ZNF496: variants seen among roughly 807,000 people sequenced by gnomAD.
The protein encoded by ZNF496 is zinc finger protein 496, also known as NSD1 (nuclear receptor binding SET-domain containing 1)-interacting zinc finger protein 1.
A neutral mutation model predicts 58.9 loss-of-function variants in ZNF496; 11 were observed. The observed-to-expected ratio is 0.19, with a 90% CI of 0.12 to 0.31. ZNF496 has a LOEUF of 0.31. ZNF496 is among the 10% of genes least tolerant of loss of function. The pLI is 1.00. For missense variants in ZNF496, 660 were observed against 783.0 expected (o/e 0.84, Z 1.88); for synonymous variants, 338 against 318.2 (o/e 1.06, Z -0.66).
Position 247,300,816 on chromosome 1 carries a change from G to T in ZNF496, c.1467C>A (p.Asp489Glu). 2 of 1,606,594 alleles carry T rather than the reference G, an allele frequency of 1.2e-6. No individual in the cohort carries two copies. Among genetic ancestry groups the T allele is most frequent in the Non-Finnish European group, 1.7e-6 (2 of 1,175,234 alleles). ...LSHRRIHLQP[D>E]RLQPVEKREQ... is the part of the protein sequence containing the mutation. ...CTCTCTTCTCCACCGGCTGGAGTCT[G>T]TCCGGCTGCAGGTGTATCCGCCGGT... Residue 489 changes from aspartate (D) to glutamate (E), a missense_variant, in exon 10 of 10, where the codon GAC (aspartate) becomes GAA (glutamate). Physicochemically the swap from Asp to Glu is conservative, Grantham distance 45. Transcript: ENST00000682384. This position sits in a 1 kb window ranked among gnomAD's most constrained non-coding sequence, Gnocchi z 5.7.
chr1:247,305,247 C>A (rs910391446), intron 9 of ZNF496, among the ~76,000 whole-genome samples: 11 of 152,134 alleles, frequency 7.2e-5, no homozygotes, highest in African/African-American at 2.7e-4. Flanking sequence ...TGTTCTCTAA[C>A]CTGGGTGACA....
chr1:247,331,146 C>A (rs1295696745), intron 2 of ZNF496, among the ~76,000 whole-genome samples: 1 of 152,228 alleles, frequency 6.6e-6, no homozygotes, highest in East Asian at 1.9e-4. Context: ...GGCTGCCACT[C>A]GGATCGTCTC....
In ZNF496 at chr1:247,329,524, T is replaced by C. The variant is rs1660249580; in HGVS notation, c.55A>G (p.Arg19Gly). ...VLAPKESEEP[R>G]KMRSPPGENP... The stretch of plus-strand genomic sequence containing the variant: ...TCTCCAGGTGGGCTCCTCATTTTCC[T>C]GGGCTCCTCACTTTCCTTCGGAGCC... The change falls in exon 4 of 10, where the codon AGG (arginine) becomes GGG (glycine). Residue 19 changes from arginine (R) to glycine (G), a missense_variant. Transcript: ENST00000682384. The surrounding 1 kb of genome is among the most constrained non-coding windows in gnomAD (Gnocchi z 5.5). The C allele has an allele frequency of 6.3e-7, 1 of 1,580,748 alleles. No individual in the cohort carries two copies. The highest frequency in any genetic ancestry group is 8.6e-7 in the Non-Finnish European group (1 of 1,168,600).
At position 247,299,682 on chromosome 1, in the gene ZNF496, T is replaced by G. The variant is rs752788601; in HGVS notation, c.*837A>C. 6.6e-6 allele frequency: 1 copy of G among 152,236 alleles called. No individual in the cohort carries two copies. The highest frequency in any genetic ancestry group is 1.5e-5 in the Non-Finnish European group (1 of 68,052). 9.4% of individuals were successfully genotyped at this position (152,236 alleles called of 1,614,324 possible). ...AGGGACTTAAGTGCCTTTTAAACGATGACAACTCCGCTTCCAACCCACAAG... is the reference window on the plus strand; with the variant it reads ...AGGGACTTAAGTGCCTTTTAAACGAGGACAACTCCGCTTCCAACCCACAAG... On this transcript the variant is annotated 3_prime_UTR_variant, in exon 10 of 10. Coordinates refer to ENST00000682384, the MANE Select transcript of ZNF496 (RefSeq NM_032752.3).
At position 247,328,821 on chromosome 1, in the gene ZNF496, G is replaced by A. The variant is rs1319063161; in HGVS notation, c.436C>T (p.Pro146Ser). 6.2e-7 allele frequency: 1 copy of A among 1,611,542 alleles called. No individual in the cohort carries two copies. The highest frequency in any genetic ancestry group is 1.1e-5 in the South Asian group (1 of 90,752). Residue 146 changes from proline (P) to serine (S), a missense_variant, in exon 5 of 10, where the codon CCT becomes TCT. Physicochemically the swap from Pro to Ser is moderately conservative, Grantham distance 74. Transcript: ENST00000682384. ...AGCTGCTCCTGCTCCTGGTCCAGAG[G>A]GCTGTCCCCATCATCAATCACCACA... ...DPVVIDDGDS[P>S]LDQEQEQLPV...
In ZNF496 at chr1:247,329,069, C is replaced by G; in HGVS notation, c.390+120G>C. 1 of 1,531,780 alleles carries G rather than the reference C, an allele frequency of 6.5e-7. No homozygotes were observed. 94.9% of individuals were successfully genotyped at this position (1,531,780 alleles called of 1,614,324 possible). A position where few individuals can be genotyped will look rare whatever the true frequency, so the allele number is the denominator to read the frequency against. ...TTTCTTAGGAAACTCTAGTCTGGACCTAACCAAAGTAAATGGCTCTCGATG... is the reference window on the plus strand; with the variant it reads ...TTTCTTAGGAAACTCTAGTCTGGACGTAACCAAAGTAAATGGCTCTCGATG... On this transcript the variant is annotated intron_variant, in intron 4 of 9. Transcript: ENST00000682384. The surrounding 1 kb of genome is among the most constrained non-coding windows in gnomAD (Gnocchi z 5.5).
intron 6 of ZNF496, among the ~76,000 whole-genome samples, chr1:247,319,798 C>G (rs778061566): frequency 2.6e-5 from 4 of 152,056 alleles, no homozygotes; most frequent in Non-Finnish European, 5.9e-5. Flanking sequence ...TGGTGCGCGC[C>G]TGTAGTCTCA....
In ZNF496 at chr1:247,310,001, G is replaced by T. The variant is rs989831389; in HGVS notation, c.785-195C>A. On this transcript the variant is annotated intron_variant, in intron 7 of 9. Coordinates refer to ENST00000682384, the MANE Select transcript of ZNF496 (RefSeq NM_032752.3). ...CGCAGGGAGAGCTATGGGCTTGGGGGTCTCTCTGAGGCTTTCGGGTGTAAA... is the reference window on the plus strand; with the variant it reads ...CGCAGGGAGAGCTATGGGCTTGGGGTTCTCTCTGAGGCTTTCGGGTGTAAA... 2.9e-6 allele frequency: 4 copies of T among 1,391,284 alleles called. No individual in the cohort carries two copies. In the African/African-American group the frequency reaches 5.8e-5, roughly 20 times the overall value. The allele number at this position is 1,391,284 out of a possible 1,614,324, so 86.2% of individuals were successfully genotyped here.
chr1:247,329,562 C>G lies in ZNF496; in HGVS notation c.17G>C (p.Cys6Ser), dbSNP rs139310202. The G allele has an allele frequency of 2.1e-4, 324 of 1,561,212 alleles. 2 individuals are homozygous for G. In the Middle Eastern group the frequency reaches 3.2e-3, roughly 16 times the overall value. Residue 6 changes from cysteine (C) to serine (S), a missense_variant, in exon 4 of 10, where the codon TGC (cysteine) becomes TCC (serine). Transcript: ENST00000682384. The surrounding 1 kb of genome is among the most constrained non-coding windows in gnomAD (Gnocchi z 5.5). ...TTCCTTCGGAGCCAAGACTCGGGGGCACAGGGCTGTGGGCATGATGGGATT... is the reference window on the plus strand; with the variant it reads ...TTCCTTCGGAGCCAAGACTCGGGGGGACAGGGCTGTGGGCATGATGGGATT... MPTAL[C>S]PRVLAPKESE...
chr1:247,328,922 G>T, intron 4 of ZNF496, 56 bp from the exon 5 acceptor site: 1 of 1,531,486 alleles, frequency 6.5e-7, no homozygotes, highest in Non-Finnish European at 8.8e-7. Flanking sequence ...ATCTCTCCCT[G>T]GGCCTGGTGA....
At chr1:247,323,799 C>T (rs1007169057) in intron 5 of ZNF496, among the ~76,000 whole-genome samples, 1 of 150,702 alleles carries the variant, frequency 6.6e-6, no homozygotes. Flanking sequence ...AAAGAAAAAG[C>T]CGTAGAGTTG....
chr1:247,321,069 G>C (rs887355234), intron 6 of ZNF496, among the ~76,000 whole-genome samples: 1 of 152,066 alleles, frequency 6.6e-6, no homozygotes, highest in Non-Finnish European at 1.5e-5. Flanking sequence ...CCAGCTACTC[G>C]GGAGGCTGAG....
At position 247,318,251 on chromosome 1, in the gene ZNF496, A is replaced by G. The variant is rs553597541; in HGVS notation, c.651+4903T>C. On this transcript the variant is annotated intron_variant, in intron 6 of 9. Transcript: ENST00000682384. ...TACCTTTATAAATTACACAGTTTCT[A>G]ACAAGAGATCTAAAACCTGTATCCT... Among the ~76,000 whole-genome samples the G allele has an allele frequency of 5.9e-5, 9 of 152,338 alleles. No homozygotes were observed. In the South Asian group the frequency reaches 1.5e-3, roughly 25 times the overall value.
At chr1:247,325,430 A>G (rs1264604526) in intron 5 of ZNF496, among the ~76,000 whole-genome samples, 1 of 152,236 alleles carries the variant, frequency 6.6e-6, no homozygotes, top group Non-Finnish European at 1.5e-5. Flanking sequence ...GTATACGAAA[A>G]CTGTACAATG....
At chr1:247,323,054 G>C in intron 6 of ZNF496, 100 bp downstream of exon 6, 2 of 985,300 alleles carry the variant, frequency 2.0e-6, no homozygotes, top group Non-Finnish European at 3.1e-6. Flanking sequence ...TGAACATCCT[G>C]TGTGGCAGTC....
rs1258305638 is a variant in ZNF496, at chr1:247,308,363, G to A, written c.1006+112C>T. ...CCACATATACCACATGTGTATGCAC[G>A]CACACATGCATTCAACACAACCATC... On this transcript the variant is annotated intron_variant, in intron 9 of 9. Transcript: ENST00000682384. The surrounding 1 kb of genome is among the most constrained non-coding windows in gnomAD (Gnocchi z 4.5). 1.7e-5 allele frequency: 16 copies of A among 941,346 alleles called. No individual in the cohort carries two copies. The highest frequency in any genetic ancestry group is 6.5e-5 in the African/African-American group (4 of 61,426). The allele number at this position is 941,346 out of a possible 1,614,324, so 58.3% of individuals were successfully genotyped here.
rs764098358 is a variant in ZNF496 at position 247,329,206 on chromosome 1, C to T, written c.373G>A (p.Gly125Arg). ...CTACTCACCCACTGCCAGGGTCTCC[C>T]GGGCTCCCGTTCCAGTGCCTCCACC... ...AAVEALEREP[G>R]RPWQWLKHCE... Residue 125 changes from glycine to arginine, a missense_variant, in exon 4 of 10, where the codon GGG (glycine) becomes AGG (arginine). Gly to Arg is a moderately radical substitution (Grantham distance 125). Coordinates refer to ENST00000682384, the MANE Select transcript of ZNF496 (RefSeq NM_032752.3). This position sits in a 1 kb window ranked among gnomAD's most constrained non-coding sequence, Gnocchi z 5.5. 15 of 1,613,382 alleles carry T rather than the reference C, an allele frequency of 9.3e-6. No individual in the cohort carries two copies. Among genetic ancestry groups the T allele is most frequent in the South Asian group, 3.3e-5 (3 of 91,088 alleles).
At chr1:247,327,433 G>A (rs1660167176) in intron 5 of ZNF496, among the ~76,000 whole-genome samples, 1 of 152,184 alleles carries the variant, frequency 6.6e-6, no homozygotes, top group Non-Finnish European at 1.5e-5. Context: ...TACAAGCCAA[G>A]GAGAGAGGCT....
At chr1:247,307,736 A>G (rs1659462273) in intron 9 of ZNF496, 5 of 985,298 alleles carry the variant, frequency 5.1e-6, no homozygotes, top group Non-Finnish European at 6.0e-6. Flanking sequence ...AGAAGAGATA[A>G]TATGTGTGAG....
Sources: gnomAD v4.1 joint callset for allele counts (sites outside exome capture counted in the v4.1 genomes callset) on GRCh38, gnomAD v4.1.1 for gene constraint, Gnocchi (gnomAD v3.1) non-coding constraint, MANE v1.5 for transcripts, NCBI Gene and HGNC (gene_info 2026-07-23, HGNC 2026-07-21) for gene names.